Variants in PACRGL observed in about 807,000 individuals in gnomAD.
PACRGL encodes parkin coregulated like.
Under a neutral mutation model 34.5 loss-of-function variants are expected in PACRGL, and 38 were observed. The ratio of observed to expected loss-of-function variants is 1.10; its 90% CI spans 0.85 to 1.44. The LOEUF is 1.44. Ranked by LOEUF, PACRGL falls within the 40% of genes most tolerant of loss-of-function variation. The pLI, the probability that PACRGL is intolerant of heterozygous loss-of-function variation, is 0.00. For synonymous variants in PACRGL, 128 were observed against 100.1 expected (o/e 1.28, Z -1.66); for missense variants, 305 against 281.4 (o/e 1.08, Z -0.60).
intron 5 of PACRGL, among the ~76,000 whole-genome samples, chr4:20,710,117 C>T (rs1231770978): frequency 2.0e-5 from 3 of 152,118 alleles, no homozygotes; most frequent in Non-Finnish European, 4.4e-5. Context: ...AAACTGAAAA[C>T]TGTCAGATAG....
rs376487083 is a variant in PACRGL, at chr4:20,739,680, C to T, written c.*56+12283C>T. On this transcript the variant is annotated intron_variant, in intron 8 of 8. Transcript: ENST00000507634. ...GCTGAAAAGTGTAAAAATCAGAGAA[C>T]CTCTTCTCCAAAGGAACGCACCTCC... 4.6e-5 allele frequency among the ~76,000 whole-genome samples: 7 copies of T among 152,250 alleles called. No individual in the cohort carries two copies. The East Asian group carries it at 1.4e-3, about 29-fold the overall frequency.
chr4:20,765,335 T>G, the PACRGL span, among the ~76,000 whole-genome samples: 1 of 152,046 alleles, frequency 6.6e-6, no homozygotes, highest in African/African-American at 2.4e-5. Flanking sequence ...ATCCTTCTTC[T>G]GGGAAGATGT....
intron 7 of PACRGL, chr4:20,716,333 G>GTTTT: frequency 2.0e-6 from 1 of 510,748 alleles, no homozygotes; most frequent in Non-Finnish European, 3.5e-6. Flanking sequence ...TTCATGCAGT[G>GTTTT]TTTTTTTTTT....
downstream of PACRGL, among the ~76,000 whole-genome samples, chr4:20,737,266 G>C (rs1009099199): frequency 6.7e-6 from 1 of 149,356 alleles, no homozygotes; most frequent in African/African-American, 2.5e-5. Context: ...GGAGAACAGA[G>C]CATTTCCCTA....
In PACRGL at chr4:20,701,964, A is replaced by G. The variant is rs140762399; in HGVS notation, c.-17+1177A>G. ...AATACAGGATTTTGAAAGGGGATGT[A>G]GACGTGTTTGCATTACTGTATGTTT... is the stretch of plus-strand genomic sequence containing the variant. On this transcript the variant is annotated intron_variant, in intron 1 of 8. Transcript: ENST00000503585. The G allele has an allele frequency of 3.6e-3, 1,646 of 454,636 alleles. 17 individuals carry two copies. The highest frequency in any genetic ancestry group is 3.7e-3 in the Non-Finnish European group (831 of 226,804). The allele number at this position is 454,636 out of a possible 1,614,324, so 28.2% of individuals were successfully genotyped here. A position where few individuals can be genotyped will look rare whatever the true frequency, so the allele number is the denominator to read the frequency against.
At chr4:20,742,200 A>G (rs1751286093) in intron 8 of PACRGL, among the ~76,000 whole-genome samples, 1 of 152,176 alleles carries the variant, frequency 6.6e-6, no homozygotes, top group African/African-American at 2.4e-5. Context: ...AAAAGAGGGA[A>G]TCCTCCCTAA....
At position 20,727,251 on chromosome 4, in the gene PACRGL, A is replaced by T. The variant is rs1381019511; in HGVS notation, c.691-34A>T. ...ATACCTATTAGGGGAACTCTGCATG[A>T]TACTAATGATGCTCAATTTTTTTCT... On this transcript the variant is annotated intron_variant, in intron 8 of 8. Coordinates refer to ENST00000503585, the MANE Select transcript of PACRGL (RefSeq NM_001258345.3). The T allele has an allele frequency of 1.9e-6, 3 of 1,564,910 alleles. No homozygotes were observed. The Admixed American group carries it at 5.0e-5, about 26-fold the overall frequency.
intron 3 of PACRGL, among the ~76,000 whole-genome samples, chr4:20,705,134 C>G (rs1438103318): frequency 6.6e-6 from 1 of 151,926 alleles, no homozygotes; most frequent in Admixed American, 6.6e-5. Context: ...TCAGTTGCCA[C>G]AGAATGCTTT....
At chr4:20,738,304 A>G (rs1244795132) in intron 8 of PACRGL, among the ~76,000 whole-genome samples, 1 of 152,204 alleles carries the variant, frequency 6.6e-6, no homozygotes. Flanking sequence ...TATGTCATTA[A>G]TTGTAAGGGG....
At chr4:20,720,868 G>C (rs1411983405) in intron 7 of PACRGL, among the ~76,000 whole-genome samples, 3 of 151,992 alleles carry the variant, frequency 2.0e-5, no homozygotes, top group Non-Finnish European at 4.4e-5. Flanking sequence ...TTCAATGTTG[G>C]CCTGCCTTGC....
chr4:20,719,814 G>A (rs1430932480), intron 7 of PACRGL, among the ~76,000 whole-genome samples: 1 of 151,956 alleles, frequency 6.6e-6, no homozygotes, highest in East Asian at 1.9e-4. Flanking sequence ...CTGTTGATTT[G>A]GGGTGGAGAG....
intron 8 of PACRGL, chr4:20,749,604 C>A: frequency 8.5e-7 from 1 of 1,181,972 alleles, no homozygotes; most frequent in Non-Finnish European, 1.2e-6. Flanking sequence ...TCACATTTTC[C>A]CCCTAAAAAG....
chr4:20,729,213 T>A lies in PACRGL; in HGVS notation c.*1872T>A, dbSNP rs565652591. On this transcript the variant is annotated 3_prime_UTR_variant, in exon 9 of 9. Coordinates refer to ENST00000503585, the MANE Select transcript of PACRGL (RefSeq NM_001258345.3). Reference sequence around the variant, plus strand: ...CTTTAATGCTGTTAGGATTACTTGTTATTAAGCATTACTATATACTGGAGG... The same window carrying A: ...CTTTAATGCTGTTAGGATTACTTGTAATTAAGCATTACTATATACTGGAGG... The A allele has an allele frequency of 7.2e-5, 11 of 152,160 alleles. No homozygotes were observed. Among genetic ancestry groups the A allele is most frequent in the African/African-American group, 2.6e-4 (11 of 41,538 alleles). The allele number at this position is 152,160 out of a possible 1,614,324, so 9.4% of individuals were successfully genotyped here. A position where few individuals can be genotyped will look rare whatever the true frequency, so the allele number is the denominator to read the frequency against.
Position 20,731,725 on chromosome 4 carries a change from T to C in PACRGL, c.*4384T>C, listed in dbSNP as rs1289697045. Reference sequence around the variant, plus strand: ...TTCAAATCTCATGTATGTTTTATCCTCCATGAATACTCTCTAAGGAATTTG... The same window carrying C: ...TTCAAATCTCATGTATGTTTTATCCCCCATGAATACTCTCTAAGGAATTTG... On this transcript the variant is annotated 3_prime_UTR_variant, in exon 9 of 9. Transcript: ENST00000503585. The C allele has an allele frequency of 1.0e-6, 1 of 985,248 alleles. No individual in the cohort carries two copies. Among genetic ancestry groups the C allele is most frequent in the East Asian group, 1.1e-4 (1 of 8,822 alleles). The allele number at this position is 985,248 out of a possible 1,614,324, so 61.0% of individuals were successfully genotyped here.
intron 7 of PACRGL, chr4:20,719,037 C>T (rs1325014837): frequency 6.6e-6 from 1 of 151,864 alleles, no homozygotes; most frequent in Non-Finnish European, 1.5e-5. Flanking sequence ...AGAGATTCAC[C>T]TTCTTCCTGG....
chr4:20,735,487 G>A (rs1749360311), downstream of PACRGL, among the ~76,000 whole-genome samples: 1 of 151,540 alleles, frequency 6.6e-6, no homozygotes, highest in Non-Finnish European at 1.5e-5. Context: ...ATTGCAGACT[G>A]GCCAGATTAA....
downstream of PACRGL, chr4:20,732,665 C>G (rs1180812487): frequency 1.3e-6 from 2 of 1,550,524 alleles, no homozygotes; most frequent in East Asian, 4.5e-5. Context: ...CTCTTGACTT[C>G]TGTTTTAATT....
chr4:20,716,685 A>G (rs989463361), intron 7 of PACRGL, among the ~76,000 whole-genome samples: 1 of 152,152 alleles, frequency 6.6e-6, no homozygotes, highest in African/African-American at 2.4e-5. Context: ...ATGGCTGCAT[A>G]GTATTCCATG....
At chr4:20,701,740 C>A in intron 1 of PACRGL, 1 of 397,180 alleles carries the variant, frequency 2.5e-6, no homozygotes, top group Non-Finnish European at 5.1e-6. Flanking sequence ...GGCTCCAGGA[C>A]TCCCTCCCTC....
Sources: allele counts gnomAD v4.1 joint callset (sites outside exome capture counted in the v4.1 genomes callset), GRCh38; gene constraint gnomAD v4.1.1; transcripts MANE v1.5; gene names NCBI Gene and HGNC (gene_info 2026-07-23, HGNC 2026-07-21).